The following PCDH15 variants were observed in gnomAD, a reference collection of about 807,000 sequenced individuals.
PCDH15 encodes protocadherin-15.
A neutral mutation model predicts 178.5 loss-of-function variants in PCDH15; 129 were observed. That is an observed-to-expected ratio of 0.72 (90% CI 0.63 to 0.84). The LOEUF is 0.84. Among genes scored for constraint, PCDH15 ranks in the 40% least tolerant of loss-of-function variants. The pLI is 0.00. For missense variants in PCDH15, 2,230 were observed against 2,099.9 expected (o/e 1.06, Z -1.21); for synonymous variants, 800 against 732.0 (o/e 1.09, Z -1.50).
chr10:55,406,635 A>G (rs563871499), intron 2 of PCDH15, among the ~76,000 whole-genome samples: 1 of 152,240 alleles, frequency 6.6e-6, no homozygotes, highest in African/African-American at 2.4e-5. Flanking sequence ...AATTTGAGGC[A>G]CTTTTTAGGT....
intron 2 of PCDH15, among the ~76,000 whole-genome samples, chr10:55,466,959 C>T (rs1839843598): frequency 6.6e-6 from 1 of 152,130 alleles, no homozygotes; most frequent in African/African-American, 2.4e-5. Flanking sequence ...CTGAATGCTC[C>T]CTGATCTATC....
intron 3 of PCDH15, among the ~76,000 whole-genome samples, chr10:54,837,261 C>T (rs1483452663): frequency 6.6e-6 from 1 of 152,076 alleles, no homozygotes; most frequent in East Asian, 1.9e-4. Context: ...TACACCCAGT[C>T]AGGACATTGT....
intron 11 of PCDH15, among the ~76,000 whole-genome samples, chr10:54,192,272 T>C (rs1224612623): frequency 2.6e-5 from 4 of 151,630 alleles, no homozygotes; most frequent in African/African-American, 4.8e-5. Flanking sequence ...AGTTAGATGT[T>C]AGATTTGAGC....
At chr10:54,756,433 T>A (rs1947124974) in intron 1 of PCDH15, among the ~76,000 whole-genome samples, 1 of 152,020 alleles carries the variant, frequency 6.6e-6, no homozygotes, top group South Asian at 2.1e-4. Context: ...AGTGCAGGAC[T>A]CCATGTTTGT....
chr10:54,811,518 T>C (rs188633812), intron 3 of PCDH15, among the ~76,000 whole-genome samples: 10 of 152,330 alleles, frequency 6.6e-5, no homozygotes, highest in African/African-American at 2.4e-4. Flanking sequence ...GTCACCAGAC[T>C]GGAGTACAGT....
intron 18 of PCDH15, among the ~76,000 whole-genome samples, chr10:54,047,526 C>A (rs2093680564): frequency 6.6e-6 from 1 of 151,858 alleles, no homozygotes; most frequent in Non-Finnish European, 1.5e-5. Flanking sequence ...GAGCATAGTA[C>A]CCAATGGTTG....
intron 3 of PCDH15, among the ~76,000 whole-genome samples, chr10:54,425,008 T>TG (rs1956088972): frequency 1.9e-5 from 2 of 107,676 alleles, no homozygotes; most frequent in African/African-American, 3.0e-5. Flanking sequence ...TAAAGTATAA[T>TG]AAAAAAAAAA....
intron 1 of PCDH15, among the ~76,000 whole-genome samples, chr10:54,694,193 A>G (rs1263261618): frequency 1.3e-5 from 2 of 152,312 alleles, no homozygotes; most frequent in East Asian, 3.9e-4. Context: ...AATGAAATGA[A>G]TAGAAATGTA....
At chr10:55,504,609 T>A (rs1840723212) in intron 2 of PCDH15, among the ~76,000 whole-genome samples, 1 of 151,216 alleles carries the variant, frequency 6.6e-6, no homozygotes, top group African/African-American at 2.4e-5. Context: ...AGAATTTTTC[T>A]CAACAACTAG....
In PCDH15 at chr10:54,069,636, T is replaced by C. The variant is rs74832682; in HGVS notation, c.2092-2751A>G. Among the ~76,000 whole-genome samples, 899 of 152,292 alleles carry C rather than the reference T, an allele frequency of 5.9e-3. 9 individuals are homozygous for C. Among genetic ancestry groups the C allele is most frequent in the African/African-American group, 0.019 (809 of 41,572 alleles). ...AAAATGAGGATTTCAGGGCTATCCA[T>C]TAGGTCTATTGACTATTGTTCTGAA... On this transcript the variant is annotated intron_variant, in intron 17 of 37. Coordinates refer to ENST00000644397, the MANE Select transcript of PCDH15 (RefSeq NM_001384140.1).
intron 2 of PCDH15, among the ~76,000 whole-genome samples, chr10:55,045,451 GGGA>G (rs576800806): frequency 5.7e-4 from 86 of 152,132 alleles, no homozygotes; most frequent in African/African-American, 1.9e-3. Flanking sequence ...GAAAAATATA[GGGA>G]GGAGAAGTCT....
At chr10:53,869,917 G>A (rs1245967687) in intron 26 of PCDH15, among the ~76,000 whole-genome samples, 1 of 152,116 alleles carries the variant, frequency 6.6e-6, no homozygotes, top group Non-Finnish European at 1.5e-5. Flanking sequence ...TACATTGACT[G>A]AATCATAAAA....
intron 2 of PCDH15, among the ~76,000 whole-genome samples, chr10:55,428,824 A>G (rs1480960856): frequency 1.3e-5 from 2 of 151,804 alleles, no homozygotes; most frequent in African/African-American, 4.8e-5. Flanking sequence ...CATTTTTTGT[A>G]TTATATTTTA....
chr10:55,535,032 A>C (rs1384092317), intron 2 of PCDH15, among the ~76,000 whole-genome samples: 3 of 152,090 alleles, frequency 2.0e-5, no homozygotes, highest in Non-Finnish European at 4.4e-5. Context: ...AAACATGGGA[A>C]AAACAGATGC....
At chr10:54,357,640 C>A (rs1565067813) in intron 5 of PCDH15, among the ~76,000 whole-genome samples, 1 of 152,168 alleles carries the variant, frequency 6.6e-6, no homozygotes, top group Non-Finnish European at 1.5e-5. Context: ...GAATGACTTT[C>A]TTCACAGAAT....
chr10:55,376,370 G>C (rs1317779062), intron 2 of PCDH15, among the ~76,000 whole-genome samples: 2 of 152,012 alleles, frequency 1.3e-5, no homozygotes, highest in East Asian at 3.9e-4. Context: ...TCTTGCCCTT[G>C]GCGTCTCAGG....
chr10:55,047,377 A>T (rs1841036006), intron 2 of PCDH15, among the ~76,000 whole-genome samples: 1 of 144,326 alleles, frequency 6.9e-6, no homozygotes, highest in Non-Finnish European at 1.5e-5. Flanking sequence ...TTATGTAAAA[A>T]CTTTGTAACT....
intron 3 of PCDH15, among the ~76,000 whole-genome samples, chr10:54,438,144 T>G (rs2075547077): frequency 6.6e-6 from 1 of 152,104 alleles, no homozygotes; most frequent in Non-Finnish European, 1.5e-5. Context: ...AGCTCAGAAT[T>G]GATATGTAAC....
chr10:54,344,291 A>G (rs959699919), intron 6 of PCDH15, among the ~76,000 whole-genome samples: 1 of 152,146 alleles, frequency 6.6e-6, no homozygotes, highest in African/African-American at 2.4e-5. Flanking sequence ...TTGAAAATGC[A>G]TGTGGTTGAT....
Sources: allele counts gnomAD v4.1 joint callset (sites outside exome capture counted in the v4.1 genomes callset), GRCh38; gene constraint gnomAD v4.1.1; transcripts MANE v1.5; gene names NCBI Gene and HGNC (gene_info 2026-07-23, HGNC 2026-07-21).